The following SHANK2 variants were observed in gnomAD, a reference collection of about 807,000 sequenced individuals.
SHANK2 encodes SH3 and multiple ankyrin repeat domains 2, also known as SH3 and multiple ankyrin repeat domains protein 2.
In SHANK2, 43 loss-of-function variants were observed where a neutral mutation model predicts 133.7. The observed-to-expected ratio is 0.32, with a 90% CI of 0.25 to 0.41. SHANK2 has a LOEUF of 0.41. SHANK2 is among the 10% of genes least tolerant of loss of function. The pLI, the probability that SHANK2 is intolerant of heterozygous loss-of-function variation, is 1.00. For missense variants in SHANK2, 1,994 were observed against 2,235.8 expected (o/e 0.89, Z 2.18); for synonymous variants, 1,017 against 952.8 (o/e 1.07, Z -1.24).
At chr11:70,919,464 C>A (rs1183832685) in intron 10 of SHANK2, among the ~76,000 whole-genome samples, 10 of 152,022 alleles carry the variant, frequency 6.6e-5, no homozygotes, top group Admixed American at 5.9e-4. Flanking sequence ...TCACTGCAAC[C>A]TCCGCCTCCC....
intron 14 of SHANK2, among the ~76,000 whole-genome samples, chr11:70,740,792 C>A (rs1946506843): frequency 1.3e-5 from 2 of 152,148 alleles, no homozygotes; most frequent in African/African-American, 4.8e-5. Context: ...GTCCTTGGAG[C>A]CAGCCTCTCC....
chr11:71,120,198 CT>C (rs1412564634), intron 3 of SHANK2, among the ~76,000 whole-genome samples: 2 of 152,194 alleles, frequency 1.3e-5, no homozygotes, highest in Admixed American at 1.3e-4. Flanking sequence ...CAGGTCCCCT[CT>C]GTGAGACTCA....
Position 70,783,339 on chromosome 11 carries a change from G to A in SHANK2, c.1777+15104C>T, listed in dbSNP as rs200809217. 1.0e-3 allele frequency among the ~76,000 whole-genome samples: 159 copies of A among 152,234 alleles called. 1 individual carries two copies. The highest frequency in any genetic ancestry group is 0.01 in the Middle Eastern group (3 of 294). ...GTATGGGCGATGGAAGGGCACCCAC[G>A]TTTACATCGAGACACAAGGGTAGGG... On this transcript the variant is annotated intron_variant, in intron 14 of 25. Coordinates refer to ENST00000601538, the MANE Select transcript of SHANK2 (RefSeq NM_012309.5).
chr11:71,109,719 G>A (rs1016312512), intron 6 of SHANK2, among the ~76,000 whole-genome samples: 21 of 152,228 alleles, frequency 1.4e-4, no homozygotes, highest in African/African-American at 3.1e-4. Flanking sequence ...AACACCTGCC[G>A]TGCTCCAGGC....
At chr11:70,945,359 G>T (rs1950708072) in intron 10 of SHANK2, among the ~76,000 whole-genome samples, 1 of 152,164 alleles carries the variant, frequency 6.6e-6, no homozygotes, top group Non-Finnish European at 1.5e-5. Context: ...GAAGGCAGAA[G>T]GCTGGTGAGA....
chr11:70,792,009 G>A (rs1947796354), intron 14 of SHANK2, among the ~76,000 whole-genome samples: 1 of 152,162 alleles, frequency 6.6e-6, no homozygotes, highest in African/African-American at 2.4e-5. Context: ...ACTATATCTT[G>A]AAGGCATAAC....
rs1264494476 is a variant in SHANK2 at position 70,918,218 on chromosome 11, G to A, written c.1108-21651C>T. Among the ~76,000 whole-genome samples, 4 of 152,136 alleles carry A rather than the reference G, an allele frequency of 2.6e-5. 1 individual carries two copies. Among genetic ancestry groups the A allele is most frequent in the South Asian group, 4.2e-4 (2 of 4,816 alleles). On this transcript the variant is annotated intron_variant, in intron 10 of 25. Coordinates refer to ENST00000601538, the MANE Select transcript of SHANK2 (RefSeq NM_012309.5). Reference sequence around the variant, plus strand: ...TCCCAAAGGCAGAACGCTTGCAGCCGCTCCATGCGGGGCGGGGGCCTAGGG... The same window carrying A: ...TCCCAAAGGCAGAACGCTTGCAGCCACTCCATGCGGGGCGGGGGCCTAGGG...
chr11:70,762,998 C>T (rs1327686148), intron 14 of SHANK2, among the ~76,000 whole-genome samples: 5 of 152,328 alleles, frequency 3.3e-5, no homozygotes, highest in African/African-American at 1.2e-4. Context: ...TACTGCATTC[C>T]ACCTGGGCAC....
At chr11:70,756,293 T>A (rs185607396) in intron 14 of SHANK2, among the ~76,000 whole-genome samples, 1 of 152,236 alleles carries the variant, frequency 6.6e-6, no homozygotes, top group East Asian at 1.9e-4. Flanking sequence ...AACGCTCAAA[T>A]GCTGGCCTGG....
At chr11:71,073,627 C>T (rs1357465131) in intron 9 of SHANK2, among the ~76,000 whole-genome samples, 1 of 152,022 alleles carries the variant, frequency 6.6e-6, no homozygotes, top group Non-Finnish European at 1.5e-5. Context: ...GCCACCATAC[C>T]CGGCTGATTT....
chr11:70,863,409 G>C, intron 11 of SHANK2: 1 of 457,936 alleles, frequency 2.2e-6, no homozygotes, highest in East Asian at 6.9e-5. Flanking sequence ...CGAGCCCCAA[G>C]CATCCTCTGC....
At chr11:70,521,856 C>T (rs1302688022) in intron 17 of SHANK2, among the ~76,000 whole-genome samples, 2 of 152,234 alleles carry the variant, frequency 1.3e-5, no homozygotes, top group African/African-American at 4.8e-5. Context: ...CTGACTGCAG[C>T]CACATGTCCT....
At chr11:70,509,093 T>G (rs1554968880) in intron 17 of SHANK2, among the ~76,000 whole-genome samples, 1 of 152,218 alleles carries the variant, frequency 6.6e-6, no homozygotes, top group African/African-American at 2.4e-5. Flanking sequence ...ACTTCTTGTC[T>G]CCAGAGCTGT....
intron 15 of SHANK2, among the ~76,000 whole-genome samples, chr11:70,692,752 GAT>G (rs1945316481): frequency 6.6e-6 from 1 of 152,166 alleles, no homozygotes; most frequent in Admixed American, 6.5e-5. Context: ...ATTTAGAAAA[GAT>G]AAAAATTGGG....
intron 10 of SHANK2, among the ~76,000 whole-genome samples, chr11:70,921,265 T>C (rs1950347778): frequency 6.6e-6 from 1 of 152,188 alleles, no homozygotes; most frequent in African/African-American, 2.4e-5. Context: ...AGACCACAGG[T>C]GCCAAGGTTT....
At chr11:70,590,414 G>A (rs1210378962) in intron 17 of SHANK2, among the ~76,000 whole-genome samples, 1 of 152,230 alleles carries the variant, frequency 6.6e-6, no homozygotes, top group Non-Finnish European at 1.5e-5. Flanking sequence ...CTCCAATTCT[G>A]AGAATTTCTG....
At chr11:70,903,911 C>G (rs1394899330) in intron 10 of SHANK2, among the ~76,000 whole-genome samples, 5 of 152,222 alleles carry the variant, frequency 3.3e-5, no homozygotes, top group Non-Finnish European at 7.3e-5. Flanking sequence ...AACCCTCCTT[C>G]TCCCCGAAAT....
intron 16 of SHANK2, 23 bp downstream of exon 16, chr11:70,661,573 A>C: frequency 1.3e-6 from 2 of 1,588,036 alleles, no homozygotes; most frequent in Non-Finnish European, 1.7e-6. Flanking sequence ...GAACATATTC[A>C]GGCTCAGAGC....
intron 25 of SHANK2, among the ~76,000 whole-genome samples, chr11:70,484,727 GAGGCTTCTGC>G (rs2058777537): frequency 6.6e-6 from 1 of 152,196 alleles, no homozygotes; most frequent in Admixed American, 6.5e-5. Flanking sequence ...GACACAGCTA[GAGGCTTCTGC>G]CCCTGGGACA....
Sources: gnomAD v4.1 joint callset for allele counts (sites outside exome capture counted in the v4.1 genomes callset) on GRCh38, gnomAD v4.1.1 for gene constraint, MANE v1.5 for transcripts, NCBI Gene and HGNC (gene_info 2026-07-23, HGNC 2026-07-21) for gene names.